PIK3AP1: variants seen among roughly 807,000 people sequenced by gnomAD.
PIK3AP1 encodes phosphoinositide 3-kinase adapter protein 1.
Under a neutral mutation model 88.1 loss-of-function variants are expected in PIK3AP1, and 21 were observed. The observed-to-expected ratio is 0.24, with a 90% CI of 0.17 to 0.34. The LOEUF is 0.34. PIK3AP1 is among the 10% of genes least tolerant of loss of function. PIK3AP1 has a pLI of 1.00. For synonymous variants in PIK3AP1, 398 were observed against 400.0 expected (o/e 1.00, Z 0.06); for missense variants, 828 against 1,035.7 (o/e 0.80, Z 2.75).
chr10:96,706,497 A>C (rs966411572), intron 2 of PIK3AP1, among the ~76,000 whole-genome samples: 6 of 152,182 alleles, frequency 3.9e-5, no homozygotes, highest in African/African-American at 1.4e-4. Flanking sequence ...CCTGGGAGTC[A>C]AAGCAGGTAT....
intron 8 of PIK3AP1, among the ~76,000 whole-genome samples, chr10:96,629,740 A>C (rs1359784180): frequency 7.2e-6 from 1 of 139,724 alleles, no homozygotes; most frequent in Admixed American, 7.3e-5. Flanking sequence ...AAAAGACAGA[A>C]AAAATTAGCA....
intron 2 of PIK3AP1, among the ~76,000 whole-genome samples, chr10:96,677,123 T>C (rs890456344): frequency 5.3e-5 from 8 of 152,174 alleles, no homozygotes; most frequent in Admixed American, 3.9e-4. Context: ...TGAGCCCACC[T>C]GATGCCAGAC....
intron 6 of PIK3AP1, 74 bp downstream of exon 6, chr10:96,651,174 T>C (rs1198374407): frequency 1.9e-6 from 3 of 1,577,320 alleles, no homozygotes; most frequent in African/African-American, 1.3e-5. Context: ...TAAACGCGTA[T>C]GTTGATGGGA....
intron 2 of PIK3AP1, among the ~76,000 whole-genome samples, chr10:96,669,005 G>A (rs1391826526): frequency 6.6e-6 from 1 of 152,106 alleles, no homozygotes; most frequent in Non-Finnish European, 1.5e-5. Context: ...GGTGGCACAC[G>A]CCTGTAATCC....
chr10:96,713,391 C>T (rs1844462824), intron 1 of PIK3AP1, among the ~76,000 whole-genome samples: 1 of 151,108 alleles, frequency 6.6e-6, no homozygotes, highest in Non-Finnish European at 1.5e-5. Flanking sequence ...GTAGTCCCAG[C>T]TACTCAGGAG....
At chr10:96,630,179 C>A (rs1272050667) in intron 8 of PIK3AP1, among the ~76,000 whole-genome samples, 1 of 152,074 alleles carries the variant, frequency 6.6e-6, no homozygotes, top group Admixed American at 6.5e-5. Context: ...AAACAAAAAA[C>A]AACCTCCTTA....
chr10:96,616,593 T>A (rs1849218540), intron 13 of PIK3AP1, 46 bp downstream of exon 13: 1 of 1,592,872 alleles, frequency 6.3e-7, no homozygotes, highest in Non-Finnish European at 8.6e-7. Flanking sequence ...GGACAACAGA[T>A]GACAGCAATG....
intron 15 of PIK3AP1, 177 bp downstream of exon 15, chr10:96,603,802 G>T: frequency 3.4e-6 from 2 of 589,326 alleles, no homozygotes. Context: ...CCCTCCAGCC[G>T]CTGGCAACCA....
At chr10:96,611,728 A>C (rs994306724) in intron 13 of PIK3AP1, among the ~76,000 whole-genome samples, 2 of 152,156 alleles carry the variant, frequency 1.3e-5, no homozygotes, top group Admixed American at 1.3e-4. Context: ...TCAGCCTCCC[A>C]AAGTGCTGGG....
chr10:96,649,999 C>T (rs79848318), intron 6 of PIK3AP1, among the ~76,000 whole-genome samples: 2,793 of 152,260 alleles, frequency 0.018, 91 homozygotes, highest in African/African-American at 0.062. Context: ...CATTTATATA[C>T]AAATGTATAT....
chr10:96,609,779 A>C lies in PIK3AP1; in HGVS notation c.2103T>G (p.Ser701Arg). 1.2e-6 allele frequency: 2 copies of C among 1,613,968 alleles called. No homozygotes were observed. The highest frequency in any genetic ancestry group is 8.5e-7 in the Non-Finnish European group (1 of 1,180,012). Reference sequence around the variant, plus strand: ...TCAGCTCCGTCCTAGGGGGAATGACACTTTTCCTGGGGCCACTCTCATAGA... The same window carrying C: ...TCAGCTCCGTCCTAGGGGGAATGACCCTTTTCCTGGGGCCACTCTCATAGA... ...FGVYESGPRK[S>R]VIPPRTELRR... Residue 701 changes from serine (S) to arginine (R), a missense_variant, in exon 14 of 17, where the codon AGT becomes AGG. By Grantham distance (110) the Ser-to-Arg change is moderately radical (BLOSUM62 -1). This residue lies in a region of PIK3AP1 where 191 missense variants were observed against 208.6 expected (regional missense o/e 0.92). Transcript: ENST00000339364.
intron 1 of PIK3AP1, among the ~76,000 whole-genome samples, chr10:96,714,162 G>T (rs1485194166): frequency 6.7e-6 from 1 of 150,032 alleles, no homozygotes; most frequent in Admixed American, 6.6e-5. Context: ...TAATAACAGC[G>T]AAACTCCGTC....
In PIK3AP1 at chr10:96,602,340, C is replaced by T; in HGVS notation, c.2300G>A (p.Gly767Glu). Residue 767 changes from glycine to glutamate, a missense_variant, in exon 16 of 17, where the codon GGG becomes GAG. By Grantham distance (98) the Gly-to-Glu change is moderately conservative. Coordinates refer to ENST00000339364, the MANE Select transcript of PIK3AP1 (RefSeq NM_152309.3). Reference protein sequence around the residue: ...SRSPGPPQVDGTPTMSLERPP... With the variant: ...SRSPGPPQVDETPTMSLERPP... ...TCTCTCGAGGGACATGGTGGGTGTC[C>T]CATCCACTTGTGGGGGGCCTGGACT... The T allele has an allele frequency of 6.2e-7, 1 of 1,612,238 alleles. No individual in the cohort carries two copies. The highest frequency in any genetic ancestry group is 1.7e-4 in the Middle Eastern group (1 of 6,048).
chr10:96,601,569 G>T (rs73332331), intron 16 of PIK3AP1, among the ~76,000 whole-genome samples: 1 of 151,782 alleles, frequency 6.6e-6, no homozygotes, highest in Non-Finnish European at 1.5e-5. Flanking sequence ...CCCCAGGTAG[G>T]GGGGCTCTAG....
chr10:96,629,092 C>T (rs913430983), intron 8 of PIK3AP1, among the ~76,000 whole-genome samples: 2 of 151,304 alleles, frequency 1.3e-5, no homozygotes, highest in Non-Finnish European at 2.9e-5. Context: ...GTGGTCTATT[C>T]AAACAATGGA....
chr10:96,634,278 G>C (rs915274338), intron 8 of PIK3AP1, among the ~76,000 whole-genome samples: 16 of 152,358 alleles, frequency 1.1e-4, no homozygotes, highest in Middle Eastern at 6.8e-3. Flanking sequence ...GTGGTCTCCA[G>C]ACACAGGGGA....
intron 2 of PIK3AP1, among the ~76,000 whole-genome samples, chr10:96,698,605 T>C (rs1281622969): frequency 6.6e-6 from 1 of 152,142 alleles, no homozygotes; most frequent in Non-Finnish European, 1.5e-5. Flanking sequence ...CAGTGGTGCA[T>C]GCCTGTGATT....
At chr10:96,607,571 T>C (rs1253556532) in intron 14 of PIK3AP1, among the ~76,000 whole-genome samples, 1 of 152,168 alleles carries the variant, frequency 6.6e-6, no homozygotes, top group Non-Finnish European at 1.5e-5. Flanking sequence ...AGCTTAGCCA[T>C]GTGACCTGCT....
chr10:96,651,221 T>C, intron 6 of PIK3AP1, 27 bp downstream of exon 6: 3 of 1,614,144 alleles, frequency 1.9e-6, no homozygotes, highest in Non-Finnish European at 1.7e-6. Flanking sequence ...CCCACGTTGG[T>C]TTCCTGAGGT....
Sources: allele counts gnomAD v4.1 joint callset (sites outside exome capture counted in the v4.1 genomes callset), GRCh38; gene constraint gnomAD v4.1.1; regional missense constraint gnomAD v4.1.1; transcripts MANE v1.5; gene names NCBI Gene and HGNC (gene_info 2026-07-23, HGNC 2026-07-21).